Variants in DAB1 observed in about 807,000 individuals in gnomAD.
DAB1 encodes the protein DAB adaptor protein 1, also known as disabled homolog 1.
DAB1 carries 15 observed loss-of-function variants against 64.6 expected under a neutral mutation model. The ratio of observed to expected loss-of-function variants is 0.23; its 90% CI spans 0.16 to 0.36. The LOEUF is 0.36. Ranked by LOEUF, DAB1 falls within the 10% of genes least tolerant of loss-of-function variation. DAB1 has a pLI of 1.00. For missense variants in DAB1, 596 were observed against 706.7 expected (o/e 0.84, Z 1.78); for synonymous variants, 235 against 251.9 (o/e 0.93, Z 0.64).
chr1:57,550,860 A>G (rs888709892), intron 7 of DAB1, among the ~76,000 whole-genome samples: 3 of 152,206 alleles, frequency 2.0e-5, no homozygotes, highest in African/African-American at 7.2e-5. Context: ...TTGCACCTGT[A>G]GAGGAGAAAT....
At chr1:57,984,397 T>C (rs1646161176) in intron 5 of DAB1, among the ~76,000 whole-genome samples, 1 of 152,140 alleles carries the variant, frequency 6.6e-6, no homozygotes, top group Non-Finnish European at 1.5e-5. Context: ...CACTCCTTTC[T>C]TCACCACAGA....
At chr1:57,121,818 G>A (rs1247092678) in intron 4 of DAB1, among the ~76,000 whole-genome samples, 7 of 151,918 alleles carry the variant, frequency 4.6e-5, no homozygotes, top group East Asian at 3.9e-4. Context: ...CTTAGAGGAC[G>A]GGTTAGTAGG....
At chr1:57,730,138 G>A in intron 6 of DAB1, among the ~76,000 whole-genome samples, 1 of 152,328 alleles carries the variant, frequency 6.6e-6, no homozygotes, top group South Asian at 2.1e-4. Flanking sequence ...GTGTAAGTCA[G>A]TGCTCTGAGT....
At chr1:58,433,592 AGAGAGTGT>A (rs1172269863) in intron 3 of DAB1, among the ~76,000 whole-genome samples, 5 of 100,686 alleles carry the variant, frequency 5.0e-5, no homozygotes, top group Admixed American at 9.5e-5. Context: ...AGAGAGAGAG[AGAGAGTGT>A]GTGTGTGTGT....
chr1:58,506,123 T>C (rs1424205093), exon 3 of DAB1: 9 of 872,246 alleles, frequency 1.0e-5, no homozygotes, highest in Non-Finnish European at 1.8e-5. Flanking sequence ...TAGATAACCA[T>C]TCTGGCATCT....
chr1:57,739,120 G>A (rs912363034), intron 6 of DAB1, among the ~76,000 whole-genome samples: 3 of 152,098 alleles, frequency 2.0e-5, no homozygotes, highest in African/African-American at 7.2e-5. Context: ...TCAAGCTATT[G>A]TAAATCCAGA....
At chr1:57,795,380 A>G (rs1357431487) in intron 6 of DAB1, among the ~76,000 whole-genome samples, 1 of 151,962 alleles carries the variant, frequency 6.6e-6, no homozygotes, top group African/African-American at 2.4e-5. Context: ...TATTCTGTAA[A>G]ACATGGTTTG....
intron 3 of DAB1, among the ~76,000 whole-genome samples, chr1:58,436,677 T>C (rs1644948352): frequency 2.0e-5 from 3 of 152,174 alleles, no homozygotes. Flanking sequence ...ACTAGGAAGA[T>C]AAGAAAGAAA....
At chr1:57,561,168 G>A (rs930398437) in intron 7 of DAB1, among the ~76,000 whole-genome samples, 1 of 152,148 alleles carries the variant, frequency 6.6e-6, no homozygotes, top group African/African-American at 2.4e-5. Context: ...TGAACTCATG[G>A]GGAGTTCCCT....
intron 1 of DAB1, among the ~76,000 whole-genome samples, chr1:57,882,046 A>G (rs1644152315): frequency 6.6e-6 from 1 of 152,216 alleles, no homozygotes; most frequent in Non-Finnish European, 1.5e-5. Context: ...GCGTTCTTTG[A>G]TAAAGGTAAA....
intron 9 of DAB1, among the ~76,000 whole-genome samples, chr1:57,058,761 G>C (rs1650089373): frequency 6.6e-6 from 1 of 152,186 alleles, no homozygotes; most frequent in Admixed American, 6.5e-5. Flanking sequence ...AGGTCACATA[G>C]CCAGTAATGA....
At chr1:58,122,868 A>G (rs1652834768) in intron 5 of DAB1, among the ~76,000 whole-genome samples, 2 of 152,322 alleles carry the variant, frequency 1.3e-5, no homozygotes, top group Admixed American at 6.5e-5. Context: ...TTATTGCACT[A>G]CGGAAGAAAT....
intron 2 of DAB1, among the ~76,000 whole-genome samples, chr1:57,193,379 A>ATT (rs1328631874): frequency 2.8e-5 from 2 of 71,592 alleles, no homozygotes; most frequent in African/African-American, 5.5e-5. Context: ...TCCGTAGCAT[A>ATT]TGTTTTTTTT....
intron 4 of DAB1, among the ~76,000 whole-genome samples, chr1:58,225,702 T>G (rs1301603685): frequency 6.6e-6 from 1 of 150,936 alleles, no homozygotes; most frequent in African/African-American, 2.4e-5. Flanking sequence ...CTCAGCAAAC[T>G]ATCGCAAGGA....
intron 6 of DAB1, among the ~76,000 whole-genome samples, chr1:57,723,462 C>T (rs938297289): frequency 2.6e-5 from 4 of 152,170 alleles, no homozygotes; most frequent in African/African-American, 9.7e-5. Context: ...AACCCTATAC[C>T]AAATCCAAAA....
intron 10 of DAB1, among the ~76,000 whole-genome samples, chr1:57,024,168 G>GCC (rs201887034): frequency 1.3e-5 from 2 of 151,654 alleles, no homozygotes; most frequent in African/African-American, 4.8e-5. Flanking sequence ...GTATCCTGGT[G>GCC]CCCCCCCGCC....
intron 3 of DAB1, among the ~76,000 whole-genome samples, chr1:58,406,973 G>A (rs1482722016): frequency 6.6e-6 from 1 of 152,154 alleles, no homozygotes; most frequent in Non-Finnish European, 1.5e-5. Context: ...CTGACACAGG[G>A]TGGGCGTGCT....
chr1:58,234,415 C>T (rs949447031), intron 4 of DAB1, among the ~76,000 whole-genome samples: 2 of 152,082 alleles, frequency 1.3e-5, no homozygotes, highest in Non-Finnish European at 2.9e-5. Context: ...CAAGAGAGCC[C>T]CACAAAAATG....
intron 5 of DAB1, among the ~76,000 whole-genome samples, chr1:57,987,825 A>G (rs1646257606): frequency 6.8e-6 from 1 of 148,050 alleles, no homozygotes; most frequent in East Asian, 2.0e-4. Context: ...CTCCAAAGTG[A>G]GAGGGTTTTT....
Sources: allele counts gnomAD v4.1 joint callset (sites outside exome capture counted in the v4.1 genomes callset), GRCh38; gene constraint gnomAD v4.1.1; transcripts MANE v1.5; gene names NCBI Gene and HGNC (gene_info 2026-07-23, HGNC 2026-07-21).